The following SEMA6D variants were observed in gnomAD, a reference collection of about 807,000 sequenced individuals.
SEMA6D encodes the protein semaphorin-6D.
In SEMA6D, 35 loss-of-function variants were observed where a neutral mutation model predicts 106.6. The ratio of observed to expected loss-of-function variants is 0.33; its 90% confidence interval spans 0.25 to 0.44. The LOEUF (loss-of-function observed/expected upper bound fraction) is 0.44, where lower values mean the gene tolerates loss of function less well. SEMA6D is among the 20% of genes least tolerant of loss of function. The pLI is 1.00. For synonymous variants in SEMA6D, 499 were observed against 487.7 expected (o/e 1.02, Z -0.31); for missense variants, 1,185 against 1,345.9 (o/e 0.88, Z 1.87).
At chr15:47,348,808 C>A (rs1233469974) in intron 1 of SEMA6D, among the ~76,000 whole-genome samples, 2 of 148,104 alleles carry the variant, frequency 1.4e-5, no homozygotes, top group Non-Finnish European at 3.0e-5. Flanking sequence ...GTGATGAATT[C>A]TATGGGAGGA....
At chr15:47,427,900 CTCTT>C (rs1020682455) in intron 2 of SEMA6D, among the ~76,000 whole-genome samples, 4 of 152,090 alleles carry the variant, frequency 2.6e-5, no homozygotes, top group African/African-American at 9.7e-5. Flanking sequence ...CTCTTACTCT[CTCTT>C]TCTCTGAGGA....
At position 47,765,013 on chromosome 15, in the gene SEMA6D, G is replaced by T; in HGVS notation, c.1384G>T (p.Asp462Tyr). The change falls in exon 13 of 19, where the codon GAC becomes TAC. Residue 462 changes from aspartate (D) to tyrosine (Y), a missense_variant. Transcript: ENST00000536845. The stretch of plus-strand genomic sequence containing the variant: ...AAAGACCAGTCCTTTCTCTTTGAAC[G>T]ACAGCGTATTACTGGAAGAGATTGA... ...LAKTSPFSLN[D>Y]SVLLEEIEAY... The T allele has an allele frequency of 1.2e-6, 2 of 1,613,844 alleles. No homozygotes were observed. The highest frequency in any genetic ancestry group is 2.2e-5 in the South Asian group (2 of 91,062).
At chr15:47,762,053 G>A (rs765171178) in intron 7 of SEMA6D, 147 bp from the exon 8 acceptor site, 59 of 898,566 alleles carry the variant, frequency 6.6e-5, no homozygotes, top group Non-Finnish European at 1.0e-4. Context: ...CCTGTCACAT[G>A]TTGATGGTGA....
intron 4 of SEMA6D, among the ~76,000 whole-genome samples, chr15:47,632,307 TG>T (rs2077307394): frequency 6.6e-6 from 1 of 151,998 alleles, no homozygotes; most frequent in Non-Finnish European, 1.5e-5. Context: ...GTTCTCTCTG[TG>T]TTGATTAGGT....
chr15:47,453,747 A>G (rs1034436640), intron 2 of SEMA6D, among the ~76,000 whole-genome samples: 4 of 151,964 alleles, frequency 2.6e-5, no homozygotes, highest in African/African-American at 9.7e-5. Context: ...ATGGCGTAGA[A>G]GAGAGATCAA....
chr15:47,560,368 GAA>G (rs1235327181), intron 3 of SEMA6D, among the ~76,000 whole-genome samples: 5 of 151,774 alleles, frequency 3.3e-5, no homozygotes, highest in Non-Finnish European at 7.4e-5. Context: ...TGAAGGGAGA[GAA>G]ATTATTTTTA....
At chr15:47,687,065 C>G (rs2078485049) in intron 4 of SEMA6D, among the ~76,000 whole-genome samples, 1 of 73,568 alleles carries the variant, frequency 1.4e-5, no homozygotes, top group African/African-American at 5.1e-5. Context: ...GACCCTGTAT[C>G]CAAAAAAAAA....
rs563323138 is a variant in SEMA6D, at chr15:47,411,722, GT to G, written c.-238-668del. Among the ~76,000 whole-genome samples, 452 of 152,160 alleles carry G rather than the reference GT, an allele frequency of 3.0e-3. 2 individuals are homozygous for G. Among genetic ancestry groups the G allele is most frequent in the African/African-American group, 0.011 (436 of 41,520 alleles). ...TGCTTTTCACCCCCTCTGTCTTCAGGTTTGGGTTTCTTGAGTGCTTCCATGG... is the reference window on the plus strand; with the variant it reads ...TGCTTTTCACCCCCTCTGTCTTCAGGTTGGGTTTCTTGAGTGCTTCCATGG... On this transcript the variant is annotated intron_variant, in intron 1 of 19. Coordinates refer to the SEMA6D transcript ENST00000558014.
chr15:47,471,031 A>G (rs2042820648), intron 3 of SEMA6D, among the ~76,000 whole-genome samples: 1 of 152,162 alleles, frequency 6.6e-6, no homozygotes. Context: ...CATGATGCCT[A>G]TAGATGGAAA....
intron 2 of SEMA6D, among the ~76,000 whole-genome samples, chr15:47,420,442 G>A (rs1411071600): frequency 2.0e-5 from 3 of 151,916 alleles, no homozygotes. Context: ...ATGAATAAAT[G>A]TATGTCCATT....
chr15:47,486,242 G>A (rs987409166), intron 3 of SEMA6D, among the ~76,000 whole-genome samples: 7 of 152,168 alleles, frequency 4.6e-5, no homozygotes, highest in Admixed American at 6.5e-5. Context: ...TTTTCCATCC[G>A]TGTACTGAGT....
At chr15:47,638,341 A>G (rs1174953036) in intron 4 of SEMA6D, among the ~76,000 whole-genome samples, 1 of 152,194 alleles carries the variant, frequency 6.6e-6, no homozygotes, top group Non-Finnish European at 1.5e-5. Flanking sequence ...AGACCTTCCA[A>G]TGACAAGCAC....
At chr15:47,280,270 A>G (rs1402361945) in intron 1 of SEMA6D, among the ~76,000 whole-genome samples, 1 of 151,884 alleles carries the variant, frequency 6.6e-6, no homozygotes, top group Non-Finnish European at 1.5e-5. Context: ...GTGTATGTGT[A>G]GAGGAATTTA....
chr15:47,235,546 A>G (rs187771024), intron 1 of SEMA6D, among the ~76,000 whole-genome samples: 4 of 151,976 alleles, frequency 2.6e-5, no homozygotes, highest in Non-Finnish European at 4.4e-5. Flanking sequence ...TGGCTATTCA[A>G]TTTTCCCAGC....
chr15:47,308,668 G>A (rs1427728222), intron 1 of SEMA6D, among the ~76,000 whole-genome samples: 3 of 152,110 alleles, frequency 2.0e-5, no homozygotes, highest in African/African-American at 7.2e-5. Context: ...GTTGTGTTGA[G>A]CTCTTCATGC....
rs150526005 is a variant in SEMA6D, at chr15:47,378,055, G to A, written c.-238-34338G>A. Reference sequence around the variant, plus strand: ...GAACCGTGAAAGTAGTTTTGAAGCAGCTTGATTGGTAACAGAAATAGAAAC... The same window carrying A: ...GAACCGTGAAAGTAGTTTTGAAGCAACTTGATTGGTAACAGAAATAGAAAC... On this transcript the variant is annotated intron_variant, in intron 1 of 19. Coordinates refer to the SEMA6D transcript ENST00000558014. Among the ~76,000 whole-genome samples, 548 of 152,286 alleles carry A rather than the reference G, an allele frequency of 3.6e-3. 3 individuals carry two copies. The highest frequency in any genetic ancestry group is 4.1e-3 in the Non-Finnish European group (282 of 68,024).
chr15:47,220,213 G>A (rs1271594702), intron 1 of SEMA6D, among the ~76,000 whole-genome samples: 1 of 152,182 alleles, frequency 6.6e-6, no homozygotes, highest in African/African-American at 2.4e-5. Flanking sequence ...TATGGACACA[G>A]GAAGAAGTGG....
chr15:47,665,631 G>T (rs1224430912), intron 4 of SEMA6D, among the ~76,000 whole-genome samples: 1 of 152,140 alleles, frequency 6.6e-6, no homozygotes, highest in Non-Finnish European at 1.5e-5. Context: ...CCAACATGGT[G>T]AAATCCCGTC....
chr15:47,762,171 T>G, intron 7 of SEMA6D, 29 bp from the exon 8 acceptor site: 1 of 1,613,164 alleles, frequency 6.2e-7, no homozygotes, highest in Non-Finnish European at 8.5e-7. Context: ...ATTATGGTTA[T>G]CTTACCAAAA....
Sources: gnomAD v4.1 joint callset for allele counts (sites outside exome capture counted in the v4.1 genomes callset) on GRCh38, gnomAD v4.1.1 for gene constraint, MANE v1.5 for transcripts, NCBI Gene and HGNC (gene_info 2026-07-23, HGNC 2026-07-21) for gene names.